ASAP2: variants seen among roughly 807,000 people sequenced by gnomAD.
ASAP2 encodes the protein arf-GAP with SH3 domain, ANK repeat and PH domain-containing protein 2.
A neutral mutation model predicts 131.4 loss-of-function variants in ASAP2; 45 were observed. That is an observed-to-expected ratio of 0.34 (90% CI 0.27 to 0.44). The LOEUF is 0.44. Ranked by LOEUF, ASAP2 falls within the 20% of genes least tolerant of loss-of-function variation. The pLI is 1.00. For missense variants in ASAP2, 1,011 were observed against 1,297.0 expected (o/e 0.78, Z 3.39); for synonymous variants, 510 against 503.0 (o/e 1.01, Z -0.19).
chr2:9,251,887 C>T (rs367871092), intron 1 of ASAP2, among the ~76,000 whole-genome samples: 18 of 151,108 alleles, frequency 1.2e-4, no homozygotes, highest in African/African-American at 4.1e-4. Context: ...TGACAGGGAG[C>T]TTTAGGAATG....
rs201750537 is a variant in ASAP2, at chr2:9,401,385, C to G, written c.2935C>G (p.Gln979Glu). ...DVIIVDGEED[Q>E]EWWIGHIDGD... The stretch of plus-strand genomic sequence containing the variant: ...GATCATCGTGGACGGGGAGGAGGAC[C>G]AGGAGTGGTGGGTGAGTCAAGGGTG... The change falls in exon 27 of 28, where the codon CAG becomes GAG. Residue 979 changes from glutamine (Q) to glutamate (E), a missense_variant. Physicochemically the swap from Gln to Glu is conservative, Grantham distance 29. Around this residue, in one of 2 missense-constraint regions of ASAP2, gnomAD observed 652 missense variants for 698.9 expected, o/e 0.93. Transcript: ENST00000281419. 6.2e-7 allele frequency: 1 copy of G among 1,613,432 alleles called. No individual in the cohort carries two copies. Among genetic ancestry groups the G allele is most frequent in the East Asian group, 2.2e-5 (1 of 44,878 alleles).
chr2:9,317,218 C>T (rs1305270436), intron 3 of ASAP2, among the ~76,000 whole-genome samples: 7 of 72,122 alleles, frequency 9.7e-5, no homozygotes, highest in Non-Finnish European at 3.6e-5. Context: ...CACATCCACA[C>T]TCACACAATC....
In ASAP2 at chr2:9,405,250, TTC is replaced by T. The variant is rs1203215889; in HGVS notation, c.*1925_*1926del. 1 of 152,256 alleles carries T rather than the reference TTC, an allele frequency of 6.6e-6. No homozygotes were observed. The highest frequency in any genetic ancestry group is 1.5e-5 in the Non-Finnish European group (1 of 68,040). 9.4% of individuals were successfully genotyped at this position (152,256 alleles called of 1,614,324 possible). ...ATATTAACGACCCTGCTAATATCCT[TTC>T]TTAGTTATTTGCTCCTTGCAAATTA... On this transcript the variant is annotated 3_prime_UTR_variant, in exon 28 of 28. Transcript: ENST00000281419.
intron 20 of ASAP2, among the ~76,000 whole-genome samples, chr2:9,382,290 A>G (rs761482159): frequency 2.0e-5 from 3 of 152,152 alleles, no homozygotes; most frequent in African/African-American, 7.2e-5. Flanking sequence ...GACCTGTCTC[A>G]TTTAATCTTC....
chr2:9,356,162 T>C lies in ASAP2; in HGVS notation c.1161-17T>C, dbSNP rs2709591. 936,581 of 1,613,672 alleles carry C rather than the reference T, an allele frequency of 0.58. 281,056 individuals are homozygous for C. Among genetic ancestry groups the C allele is most frequent in the African/African-American group, 0.9 (67,122 of 74,958 alleles). ...TTGTTTGTGGAATTTAACACAGCGT[T>C]GCTCTTGTTTTTCTAGATGGATGTC... On this transcript the variant is annotated splice_polypyrimidine_tract_variant and intron_variant, in intron 13 of 27. Coordinates refer to ENST00000281419, the MANE Select transcript of ASAP2 (RefSeq NM_003887.3).
chr2:9,293,949 G>T (rs147447022), intron 2 of ASAP2, among the ~76,000 whole-genome samples: 2 of 152,040 alleles, frequency 1.3e-5, no homozygotes, highest in African/African-American at 4.8e-5. Context: ...ATCACCTTGG[G>T]GTTGCTGGGG....
At chr2:9,319,533 G>A (rs1670021448) in intron 4 of ASAP2, among the ~76,000 whole-genome samples, 1 of 152,258 alleles carries the variant, frequency 6.6e-6, no homozygotes, top group African/African-American at 2.4e-5. Context: ...TGCGCACAGG[G>A]AGCAGGGCTC....
chr2:9,358,961 A>G, intron 15 of ASAP2, 72 bp downstream of exon 15: 2 of 1,528,454 alleles, frequency 1.3e-6, no homozygotes, highest in Non-Finnish European at 1.8e-6. Flanking sequence ...TTGGCATTCT[A>G]ATCCATTTTG....
intron 3 of ASAP2, among the ~76,000 whole-genome samples, chr2:9,310,145 T>TG (rs1669207691): frequency 6.6e-6 from 1 of 152,158 alleles, no homozygotes; most frequent in South Asian, 2.1e-4. Context: ...GGTGAATAGG[T>TG]GGTTTGCTTT....
At chr2:9,356,688 C>T (rs898938125) in intron 14 of ASAP2, among the ~76,000 whole-genome samples, 1 of 152,074 alleles carries the variant, frequency 6.6e-6, no homozygotes, top group African/African-American at 2.4e-5. Context: ...GATGGGCTTC[C>T]TTGCTTGGAA....
intron 15 of ASAP2, among the ~76,000 whole-genome samples, chr2:9,367,521 G>T (rs1472300115): frequency 6.6e-6 from 1 of 152,132 alleles, no homozygotes; most frequent in Non-Finnish European, 1.5e-5. Flanking sequence ...AGCACTTTGG[G>T]AGGCTGAGGT....
chr2:9,341,558 A>G lies in ASAP2; in HGVS notation c.850-2974A>G, dbSNP rs183993146. 1.4e-3 allele frequency among the ~76,000 whole-genome samples: 218 copies of G among 152,300 alleles called. 1 individual carries two copies. Among genetic ancestry groups the G allele is most frequent in the South Asian group, 5.6e-3 (27 of 4,822 alleles). The stretch of plus-strand genomic sequence containing the variant: ...TAATATGCGCGGCACGAACAGTGTT[A>G]GCGGTGTTGTCACATGATTTCACCA... On this transcript the variant is annotated intron_variant, in intron 9 of 27. Transcript: ENST00000281419.
chr2:9,238,754 A>G (rs554558014), intron 1 of ASAP2, among the ~76,000 whole-genome samples: 8 of 152,288 alleles, frequency 5.3e-5, no homozygotes, highest in African/African-American at 1.9e-4. Flanking sequence ...TGAATCTTAC[A>G]AATGTACAGT....
chr2:9,389,002 G>T lies in ASAP2; in HGVS notation c.2383+456G>T, dbSNP rs1380743160. 6.6e-6 allele frequency among the ~76,000 whole-genome samples: 1 copy of T among 152,182 alleles called. No individual in the cohort carries two copies. Among genetic ancestry groups the T allele is most frequent in the African/African-American group, 2.4e-5 (1 of 41,432 alleles). ...CCCATGATCCCCATAAAAGATATTG[G>T]GGAACGATGCTCGGCCTAATTGTAA... is the stretch of plus-strand genomic sequence containing the variant. On this transcript the variant is annotated intron_variant, in intron 22 of 27. Transcript: ENST00000281419. This position sits in a 1 kb window ranked among gnomAD's most constrained non-coding sequence, Gnocchi z 4.7.
intron 5 of ASAP2, among the ~76,000 whole-genome samples, chr2:9,321,781 C>A (rs1174510617): frequency 6.6e-6 from 1 of 152,046 alleles, no homozygotes; most frequent in African/African-American, 2.4e-5. Context: ...TCTGTAAAAT[C>A]GAGACACACA....
intron 6 of ASAP2, among the ~76,000 whole-genome samples, chr2:9,325,708 G>A (rs576621711): frequency 1.3e-4 from 20 of 152,172 alleles, no homozygotes; most frequent in Admixed American, 1.2e-3. Flanking sequence ...AATTGATCCT[G>A]TGAACTGACT....
chr2:9,279,891 T>C (rs7558333), intron 2 of ASAP2, among the ~76,000 whole-genome samples: 1 of 32,032 alleles, frequency 3.1e-5, no homozygotes, highest in African/African-American at 8.5e-5. Context: ...TTTACACATA[T>C]ATATTTTTTA....
At chr2:9,371,835 G>T (rs923027999) in intron 16 of ASAP2, among the ~76,000 whole-genome samples, 8 of 152,048 alleles carry the variant, frequency 5.3e-5, no homozygotes, top group African/African-American at 1.9e-4. Context: ...AAAGAGGGAG[G>T]GCCGGGCGCG....
intron 11 of ASAP2, chr2:9,350,493 G>A (rs957352669): frequency 1.2e-4 from 29 of 243,112 alleles, no homozygotes; most frequent in African/African-American, 4.4e-4. Context: ...TTTGGGCTTA[G>A]CCATGCAATA....
Sources: allele counts gnomAD v4.1 joint callset (sites outside exome capture counted in the v4.1 genomes callset), GRCh38; gene constraint gnomAD v4.1.1; regional missense constraint gnomAD v4.1.1; non-coding constraint Gnocchi (gnomAD v3.1); transcripts MANE v1.5; gene names NCBI Gene and HGNC (gene_info 2026-07-23, HGNC 2026-07-21).